MPDZ: variants seen among roughly 807,000 people sequenced by gnomAD.
The protein encoded by MPDZ is multiple PDZ domain crumbs cell polarity complex component.
In MPDZ, 234 loss-of-function variants were observed where a neutral mutation model predicts 239.1. The ratio of observed to expected loss-of-function variants is 0.98; its 90% CI spans 0.88 to 1.09. The LOEUF (loss-of-function observed/expected upper bound fraction) is 1.09. Among genes scored for constraint, MPDZ ranks in the 50% least tolerant of loss-of-function variants. The probability of loss-of-function intolerance (pLI) is 0.00; values close to 1 mark genes in which losing one functional copy is unlikely to be tolerated. For synonymous variants in MPDZ, 1,048 were observed against 881.3 expected, an observed-to-expected ratio of 1.19 and a Z score of -3.35; for missense variants, 3,175 against 2,510.0, an observed-to-expected ratio of 1.26 and a Z score of -5.66.
chr9:13,271,249 G>A (rs76956009), intron 1 of MPDZ, among the ~76,000 whole-genome samples: 1,916 of 152,084 alleles, frequency 0.013, 21 homozygotes, highest in African/African-American at 0.034. Context: ...TATCAAAATG[G>A]GGCATGAATT....
chr9:13,136,035 T>C, intron 31 of MPDZ, 57 bp downstream of exon 31: 1 of 1,158,336 alleles, frequency 8.6e-7, no homozygotes, highest in Non-Finnish European at 1.3e-6. Flanking sequence ...TTGATTGAAT[T>C]AATAAGGCTC....
At chr9:13,243,319 A>G (rs1179589131) in intron 3 of MPDZ, among the ~76,000 whole-genome samples, 1 of 151,764 alleles carries the variant, frequency 6.6e-6, no homozygotes, top group African/African-American at 2.4e-5. Context: ...AAACTGGTTC[A>G]CTGAATCCCA....
chr9:13,113,563 T>C (rs562584261), intron 41 of MPDZ, among the ~76,000 whole-genome samples: 13 of 152,280 alleles, frequency 8.5e-5, no homozygotes, highest in Non-Finnish European at 1.9e-4. Context: ...ATCACATTAA[T>C]TTTCTCAAAT....
intron 16 of MPDZ, 96 bp from the exon 17 acceptor site, chr9:13,189,089 C>A: frequency 2.9e-6 from 3 of 1,049,906 alleles, no homozygotes; most frequent in Non-Finnish European, 4.0e-6. Flanking sequence ...GTAATTGTCT[C>A]AAGTGCCTTT....
intron 12 of MPDZ, among the ~76,000 whole-genome samples, chr9:13,198,070 T>A (rs527711036): frequency 6.6e-6 from 1 of 152,232 alleles, no homozygotes; most frequent in East Asian, 1.9e-4. Flanking sequence ...GGTACGGATA[T>A]CTCTTTGCTA....
At chr9:13,231,505 T>G (rs953540758) in intron 3 of MPDZ, among the ~76,000 whole-genome samples, 2 of 152,066 alleles carry the variant, frequency 1.3e-5, no homozygotes, top group African/African-American at 4.8e-5. Flanking sequence ...AGGTGGAGGT[T>G]GCAGTGAGCC....
intron 39 of MPDZ, among the ~76,000 whole-genome samples, chr9:13,115,842 G>A (rs1356519874): frequency 6.6e-6 from 1 of 151,586 alleles, no homozygotes; most frequent in African/African-American, 2.4e-5. Flanking sequence ...CTACTCAGGA[G>A]GCTGAGGCAG....
chr9:13,194,460 A>G (rs1955373617), intron 13 of MPDZ, among the ~76,000 whole-genome samples: 3 of 152,048 alleles, frequency 2.0e-5, no homozygotes, highest in African/African-American at 7.2e-5. Flanking sequence ...AAAACCAAAC[A>G]CCATATGTTC....
At position 13,190,230 on chromosome 9, in the gene MPDZ, C is replaced by T; in HGVS notation, c.2038G>A (p.Ala680Thr). 6.2e-7 allele frequency: 1 copy of T among 1,612,802 alleles called. No individual in the cohort carries two copies. Among genetic ancestry groups the T allele is most frequent in the Middle Eastern group, 1.7e-4 (1 of 6,052 alleles). The change falls in exon 16 of 47, where the codon GCG (alanine) becomes ACG (threonine). Residue 680 changes from alanine (A) to threonine (T), a missense_variant. Transcript: ENST00000319217. ...TGAACCTCTTCTGTACTCTGACCCGCATCAGTCATCGCCAGCACTGGATCC... is the reference window on the plus strand; with the variant it reads ...TGAACCTCTTCTGTACTCTGACCCGTATCAGTCATCGCCAGCACTGGATCC... The part of the protein sequence containing the change: ...TEDPVLAMTD[A>T]GQSTEEVQAP...
In MPDZ at chr9:13,140,042, A is replaced by G; in HGVS notation, c.3948T>C (p.Ser1316=). Residue 1316 remains serine, a synonymous_variant, in exon 28 of 47, where the codon TCT becomes TCC. Coordinates refer to ENST00000319217, the MANE Select transcript of MPDZ (RefSeq NM_001378778.1). ...AEMGSDHTQS[S]ASKISQDVDK... ...CCACATCTTGTGAGATTTTGCTTGC[A>G]GATGACTGTGTGTGATCACTACCCA... The G allele has an allele frequency of 6.2e-7, 1 of 1,613,474 alleles. No homozygotes were observed. Among genetic ancestry groups the G allele is most frequent in the Non-Finnish European group, 8.5e-7 (1 of 1,179,716 alleles).
In MPDZ at chr9:13,143,578, T is replaced by TA; in HGVS notation, c.3742-15dup. On this transcript the variant is annotated splice_polypyrimidine_tract_variant and intron_variant, in intron 26 of 46. Coordinates refer to ENST00000319217, the MANE Select transcript of MPDZ (RefSeq NM_001378778.1). ...CAAAGGGGATTTCTAAAAGGAAACA[T>TA]AAGAGGCGCTGAACGCAAAGGAAAT... 1 of 1,597,612 alleles carries TA rather than the reference T, an allele frequency of 6.3e-7. No homozygotes were observed. The highest frequency in any genetic ancestry group is 1.1e-5 in the South Asian group (1 of 90,766).
At chr9:13,233,860 C>G (rs1462678514) in intron 3 of MPDZ, among the ~76,000 whole-genome samples, 1 of 152,160 alleles carries the variant, frequency 6.6e-6, no homozygotes. Context: ...AACTAAATAA[C>G]TGAAGACAAA....
chr9:13,211,581 A>G (rs1039638992), intron 10 of MPDZ, among the ~76,000 whole-genome samples: 1 of 152,128 alleles, frequency 6.6e-6, no homozygotes, highest in African/African-American at 2.4e-5. Context: ...TCTAAATAAT[A>G]GTATTACAGC....
At chr9:13,135,166 G>A (rs533312913) in intron 31 of MPDZ, 3 of 152,260 alleles carry the variant, frequency 2.0e-5, no homozygotes, top group African/African-American at 4.8e-5. Context: ...ATATCTTTCT[G>A]TATTTTCTAT....
chr9:13,239,785 G>T (rs901563066), intron 3 of MPDZ, among the ~76,000 whole-genome samples: 2 of 152,094 alleles, frequency 1.3e-5, no homozygotes, highest in African/African-American at 2.4e-5. Flanking sequence ...AAGCAAACCT[G>T]AAATACAATT....
intron 13 of MPDZ, 119 bp downstream of exon 13, chr9:13,196,002 A>C: frequency 1.6e-6 from 1 of 637,362 alleles, no homozygotes; most frequent in South Asian, 2.8e-5. Context: ...GGTTGTCTAA[A>C]AAAGGCCTGT....
chr9:13,136,814 TA>T lies in MPDZ; in HGVS notation c.4201-12del. 6.6e-7 allele frequency: 1 copy of T among 1,523,650 alleles called. No homozygotes were observed. The highest frequency in any genetic ancestry group is 9.0e-7 in the Non-Finnish European group (1 of 1,112,040). 94.4% of individuals were successfully genotyped at this position (1,523,650 alleles called of 1,614,324 possible). ...AATCTGACCATTGATCTGTGAGAAA[TA>T]AATATCATTAGTTGGGCCTGAAATC... On this transcript the variant is annotated splice_polypyrimidine_tract_variant and intron_variant, in intron 29 of 46. Coordinates refer to ENST00000319217, the MANE Select transcript of MPDZ (RefSeq NM_001378778.1).
At position 13,221,469 on chromosome 9, in the gene MPDZ, A is replaced by T. The variant is rs1220735820; in HGVS notation, c.779T>A (p.Leu260Ter). 1 of 1,610,894 alleles carries T rather than the reference A, an allele frequency of 6.2e-7. No individual in the cohort carries two copies. ...TCCCAAACCAGATCCATCATTCACC[A>T]ATTCAATCGTTTCCATGTGTTGCCA... ...VHWQHMETIELVNDGSGLGFG... is the reference protein window; with the variant it reads ...VHWQHMETIE The change falls in exon 7 of 47, where the codon TTG becomes TAG. Residue 260 changes from leucine to a stop codon, truncating the protein, a stop_gained. Transcript: ENST00000319217. LOFTEE classifies it high-confidence loss of function.
intron 18 of MPDZ, among the ~76,000 whole-genome samples, chr9:13,184,843 G>C (rs1953875019): frequency 6.6e-6 from 1 of 151,924 alleles, no homozygotes; most frequent in South Asian, 2.1e-4. Flanking sequence ...GAAATTGAGT[G>C]ACCAGTCCAA....
Sources: allele counts gnomAD v4.1 joint callset (sites outside exome capture counted in the v4.1 genomes callset), GRCh38; gene constraint gnomAD v4.1.1; transcripts MANE v1.5; gene names NCBI Gene and HGNC (gene_info 2026-07-23, HGNC 2026-07-21).